ARID1B: variants seen among roughly 807,000 people sequenced by gnomAD.
The protein encoded by ARID1B is AT-rich interactive domain-containing protein 1B.
ARID1B carries 30 observed loss-of-function variants against 212.3 expected under a neutral mutation model. The observed-to-expected ratio is 0.14, with a 90% CI of 0.11 to 0.19. ARID1B has a LOEUF of 0.19. ARID1B is among the 10% of genes least tolerant of loss of function. ARID1B has a pLI of 1.00. For missense variants in ARID1B, 2,891 were observed against 3,204.0 expected, an observed-to-expected ratio of 0.90 and a Z score of 2.36; for synonymous variants, 1,402 against 1,301.7, an observed-to-expected ratio of 1.08 and a Z score of -1.66.
At chr6:157,188,141 T>C (rs1230632413) in intron 13 of ARID1B, among the ~76,000 whole-genome samples, 1 of 152,014 alleles carries the variant, frequency 6.6e-6, no homozygotes, top group African/African-American at 2.4e-5. Flanking sequence ...CAAACCCCCA[T>C]GACATGCGTT....
In ARID1B at chr6:157,200,645, C is replaced by T; in HGVS notation, c.4480-60C>T. The T allele has an allele frequency of 6.6e-7, 1 of 1,511,348 alleles. No homozygotes were observed. The highest frequency in any genetic ancestry group is 8.9e-7 in the Non-Finnish European group (1 of 1,127,984). The allele number at this position is 1,511,348 out of a possible 1,614,324, so 93.6% of individuals were successfully genotyped here. The stretch of plus-strand genomic sequence containing the variant: ...AGGTAATAACTATTTTGCATAATTT[C>T]AGTGTGTGATTATACCTGTAAGAGC... On this transcript the variant is annotated intron_variant, in intron 17 of 19. Coordinates refer to ENST00000636930, the MANE Select transcript of ARID1B (RefSeq NM_001374828.1). The surrounding 1 kb of genome is among the most constrained non-coding windows in gnomAD (Gnocchi z 4.3).
intron 2 of ARID1B, among the ~76,000 whole-genome samples, chr6:156,872,668 A>G (rs910479733): frequency 6.6e-6 from 1 of 152,076 alleles, no homozygotes; most frequent in African/African-American, 2.4e-5. Flanking sequence ...TGGCTTGCTA[A>G]GCTTTCTTTA....
chr6:157,063,481 C>T (rs1268373289), intron 4 of ARID1B, among the ~76,000 whole-genome samples: 3 of 152,148 alleles, frequency 2.0e-5, no homozygotes, highest in Non-Finnish European at 2.9e-5. Context: ...GCCCTTTCCT[C>T]CTCTGTTAGA....
intron 8 of ARID1B, among the ~76,000 whole-genome samples, chr6:157,157,536 G>T (rs1362545617): frequency 1.3e-5 from 2 of 152,222 alleles, no homozygotes; most frequent in African/African-American, 4.8e-5. Flanking sequence ...GCAGCAGGAA[G>T]TTTGTAAGTG....
At chr6:156,943,540 C>T (rs960058727) in intron 4 of ARID1B, 3 of 150,568 alleles carry the variant, frequency 2.0e-5, no homozygotes, top group Admixed American at 1.3e-4. Flanking sequence ...CGAAATTGTA[C>T]CCAATTTTAG....
chr6:156,926,696 A>G (rs1791244025), intron 3 of ARID1B, among the ~76,000 whole-genome samples: 1 of 151,990 alleles, frequency 6.6e-6, no homozygotes, highest in African/African-American at 2.4e-5. Flanking sequence ...AGATGTTACT[A>G]TTTTGAGAAG....
intron 4 of ARID1B, among the ~76,000 whole-genome samples, chr6:156,964,284 A>G (rs1794594457): frequency 6.6e-6 from 1 of 152,272 alleles, no homozygotes; most frequent in African/African-American, 2.4e-5. Flanking sequence ...CTTTGACATC[A>G]GAAAAGCAGG....
rs148487054 is a variant in ARID1B at position 157,056,272 on chromosome 6, A to G, written c.2248-28390A>G. ...ATTTGCCCTCAGATTTTAGAGATACAAAGGTCTTTTTTTTACATGTACTCA... is the reference window on the plus strand; with the variant it reads ...ATTTGCCCTCAGATTTTAGAGATACGAAGGTCTTTTTTTTACATGTACTCA... On this transcript the variant is annotated intron_variant, in intron 4 of 19. Coordinates refer to ENST00000636930, the MANE Select transcript of ARID1B (RefSeq NM_001374828.1). 1.6e-4 allele frequency among the ~76,000 whole-genome samples: 24 copies of G among 152,332 alleles called. No homozygotes were observed. The East Asian group carries it at 4.6e-3, about 29-fold the overall frequency.
chr6:156,832,462 G>C (rs902244825), intron 2 of ARID1B, among the ~76,000 whole-genome samples: 22 of 152,192 alleles, frequency 1.4e-4, no homozygotes, highest in Admixed American at 6.5e-5. Flanking sequence ...CTTTGCTTTG[G>C]ATGGCTTCCA....
At chr6:157,024,042 C>T (rs1780492754) in intron 4 of ARID1B, 2 of 152,250 alleles carry the variant, frequency 1.3e-5, no homozygotes, top group African/African-American at 4.8e-5. Context: ...ATTCAGCCTA[C>T]ATTTCATATG....
intron 4 of ARID1B, chr6:156,940,352 C>T (rs1792574596): frequency 6.6e-6 from 1 of 152,164 alleles, no homozygotes; most frequent in Non-Finnish European, 1.5e-5. Flanking sequence ...TTTGATCTTT[C>T]TGAGTTAACT....
rs575427566 is a variant in ARID1B, at chr6:157,190,445, C to T, written c.4231+235C>T. Among the ~76,000 whole-genome samples the T allele has an allele frequency of 5.3e-5, 8 of 152,370 alleles. No individual in the cohort carries two copies. In the South Asian group the frequency reaches 1.7e-3, roughly 32 times the overall value. ...CTCAGCCTGTTCCCTGGCACATGCT[C>T]CCTGTTTCCGGATACCTGCCACCTC... On this transcript the variant is annotated intron_variant, in intron 15 of 19. Transcript: ENST00000636930. The surrounding 1 kb of genome is among the most constrained non-coding windows in gnomAD (Gnocchi z 4.6).
intron 12 of ARID1B, among the ~76,000 whole-genome samples, 183 bp downstream of exon 12, chr6:157,181,361 G>A (rs1288024240): frequency 6.6e-6 from 1 of 152,128 alleles, no homozygotes; most frequent in East Asian, 1.9e-4. Flanking sequence ...CCCTGGCTCT[G>A]CCACCAACTC....
At chr6:156,973,283 T>A (rs1373981342) in intron 4 of ARID1B, among the ~76,000 whole-genome samples, 4 of 152,244 alleles carry the variant, frequency 2.6e-5, no homozygotes, top group South Asian at 4.1e-4. Context: ...CCTTTTTTTT[T>A]ATTTTTTGGT....
chr6:156,874,043 TACTG>T (rs151183045), intron 2 of ARID1B, among the ~76,000 whole-genome samples: 236 of 152,328 alleles, frequency 1.5e-3, no homozygotes, highest in African/African-American at 5.5e-3. Context: ...TTTTTTCCTG[TACTG>T]ACTAATTTCT....
intron 4 of ARID1B, among the ~76,000 whole-genome samples, chr6:157,077,409 G>A (rs542318439): frequency 2.6e-5 from 4 of 152,042 alleles, no homozygotes; most frequent in African/African-American, 4.8e-5. Context: ...GCATAAGCAC[G>A]TGAGGCCATG....
chr6:156,846,287 TG>T (rs1230219083), intron 2 of ARID1B, among the ~76,000 whole-genome samples: 2 of 152,012 alleles, frequency 1.3e-5, no homozygotes, highest in Non-Finnish European at 2.9e-5. Flanking sequence ...CCTGAGTAGC[TG>T]GGACTACAGG....
At chr6:157,015,547 C>A (rs935614521) in intron 4 of ARID1B, among the ~76,000 whole-genome samples, 3 of 152,036 alleles carry the variant, frequency 2.0e-5, no homozygotes, top group Admixed American at 6.6e-5. Flanking sequence ...AAGAAAAGTG[C>A]GAAGACTGTC....
At chr6:156,871,919 C>T (rs999987299) in intron 2 of ARID1B, among the ~76,000 whole-genome samples, 3 of 152,160 alleles carry the variant, frequency 2.0e-5, no homozygotes, top group Admixed American at 2.0e-4. Context: ...TGCTTTTTTC[C>T]TGGTGGCTTA....
Sources: allele counts gnomAD v4.1 joint callset (sites outside exome capture counted in the v4.1 genomes callset), GRCh38; gene constraint gnomAD v4.1.1; non-coding constraint Gnocchi (gnomAD v3.1); transcripts MANE v1.5; gene names NCBI Gene and HGNC (gene_info 2026-07-23, HGNC 2026-07-21).